The following ZNF365 variants were observed in gnomAD, a reference collection of about 807,000 sequenced individuals.
ZNF365 encodes the protein zinc finger protein 365, also known as protein ZNF365.
In ZNF365, 22 loss-of-function variants were observed where a neutral mutation model predicts 35.0. The observed-to-expected ratio is 0.63, with a 90% CI of 0.45 to 0.90. The LOEUF is 0.90. Among genes scored for constraint, ZNF365 ranks in the 40% least tolerant of loss-of-function variants. ZNF365 has a pLI of 0.00. For synonymous variants in ZNF365, 188 were observed against 196.2 expected, an observed-to-expected ratio of 0.96 and a Z score of 0.35; for missense variants, 448 against 500.3, an observed-to-expected ratio of 0.90 and a Z score of 1.00.
intron 4 of ZNF365, among the ~76,000 whole-genome samples, chr10:62,474,883 C>G (rs1841102377): frequency 6.6e-6 from 1 of 152,160 alleles, no homozygotes; most frequent in African/African-American, 2.4e-5. Flanking sequence ...TTCTGACATG[C>G]TTAATTTCTC....
rs377703579 is a variant in ZNF365 at position 62,413,341 on chromosome 10, T to C, written c.924+24765T>C. Reference sequence around the variant, plus strand: ...AGCATTACGACAATGAAAATGTGCATTGTGAATCTTTTAGAGGAGAAAAAA... The same window carrying C: ...AGCATTACGACAATGAAAATGTGCACTGTGAATCTTTTAGAGGAGAAAAAA... On this transcript the variant is annotated intron_variant, in intron 3 of 4. Transcript: ENST00000395255. Among the ~76,000 whole-genome samples, 40 of 152,274 alleles carry C rather than the reference T, an allele frequency of 2.6e-4. 1 individual carries two copies. The South Asian group carries it at 8.1e-3, about 31-fold the overall frequency.
At chr10:62,478,157 C>G (rs1177013684) in intron 4 of ZNF365, among the ~76,000 whole-genome samples, 1 of 152,172 alleles carries the variant, frequency 6.6e-6, no homozygotes, top group Non-Finnish European at 1.5e-5. Flanking sequence ...TACAGCTTTT[C>G]TTGATCCAAA....
chr10:62,410,730 T>C (rs1315823859), intron 3 of ZNF365, among the ~76,000 whole-genome samples: 1 of 152,156 alleles, frequency 6.6e-6, no homozygotes, highest in African/African-American at 2.4e-5. Context: ...TATTCCATGG[T>C]ATATATGTAC....
At chr10:62,465,420 G>GGGA (rs934072978) in intron 4 of ZNF365, among the ~76,000 whole-genome samples, 5 of 152,152 alleles carry the variant, frequency 3.3e-5, no homozygotes, top group African/African-American at 1.2e-4. Context: ...GTTCCTAGGT[G>GGGA]GGAAGGGGTG....
chr10:62,467,993 A>G (rs114437245), intron 4 of ZNF365, among the ~76,000 whole-genome samples: 383 of 152,306 alleles, frequency 2.5e-3, no homozygotes, highest in African/African-American at 9.0e-3. Context: ...TTTGCTAAAT[A>G]GTGATATTTT....
At chr10:62,428,114 T>A (rs146402171) in intron 3 of ZNF365, among the ~76,000 whole-genome samples, 1 of 152,302 alleles carries the variant, frequency 6.6e-6, no homozygotes, top group East Asian at 1.9e-4. Flanking sequence ...TCCCTGCGTG[T>A]CAGGACACAA....
intron 3 of ZNF365, among the ~76,000 whole-genome samples, chr10:62,422,865 C>G (rs1019241873): frequency 1.3e-5 from 2 of 152,080 alleles, no homozygotes; most frequent in Non-Finnish European, 2.9e-5. Context: ...GAAGACGAAA[C>G]TAAGTTGTGT....
At chr10:62,386,148 T>G (rs1040739047) in intron 2 of ZNF365, among the ~76,000 whole-genome samples, 1 of 152,148 alleles carries the variant, frequency 6.6e-6, no homozygotes, top group Non-Finnish European at 1.5e-5. Context: ...ATGAAAGGGC[T>G]GGGGATGCAT....
At chr10:62,408,673 C>T (rs914914122) in intron 3 of ZNF365, among the ~76,000 whole-genome samples, 3 of 152,084 alleles carry the variant, frequency 2.0e-5, no homozygotes, top group Admixed American at 2.0e-4. Context: ...ATACTAACAG[C>T]ATCTGTTGGG....
At chr10:62,404,777 T>C (rs960592767), downstream of ZNF365, among the ~76,000 whole-genome samples, 1 of 152,248 alleles carries the variant, frequency 6.6e-6, no homozygotes, top group Non-Finnish European at 1.5e-5. Flanking sequence ...TATTGTTTTA[T>C]ATATGTATTG....
At chr10:62,407,461 C>T (rs902808534) in intron 3 of ZNF365, among the ~76,000 whole-genome samples, 8 of 152,286 alleles carry the variant, frequency 5.3e-5, no homozygotes, top group African/African-American at 9.6e-5. Flanking sequence ...CTAAAGAATG[C>T]GGTTCCCACA....
chr10:62,447,287 A>T (rs1457978088), intron 3 of ZNF365, among the ~76,000 whole-genome samples: 2 of 152,190 alleles, frequency 1.3e-5, no homozygotes, highest in African/African-American at 4.8e-5. Flanking sequence ...AACCTAATCT[A>T]CTAAACTAAA....
intron 2 of ZNF365, among the ~76,000 whole-genome samples, chr10:62,387,034 A>G (rs1230204152): frequency 6.6e-6 from 1 of 152,230 alleles, no homozygotes; most frequent in African/African-American, 2.4e-5. Flanking sequence ...GAGATTTTGG[A>G]GACATGTAAA....
chr10:62,433,064 C>T (rs1360876716), intron 3 of ZNF365, among the ~76,000 whole-genome samples: 1 of 152,048 alleles, frequency 6.6e-6, no homozygotes, highest in Non-Finnish European at 1.5e-5. Flanking sequence ...GAAATCAAAC[C>T]AAAAGGAACT....
intron 3 of ZNF365, among the ~76,000 whole-genome samples, chr10:62,458,497 C>CACACACAT (rs59462069): frequency 3.5e-4 from 49 of 141,332 alleles, no homozygotes; most frequent in Non-Finnish European, 6.4e-4. Flanking sequence ...CACACACACA[C>CACACACAT]ATATATATAT....
At chr10:62,437,401 A>G (rs1416706371) in intron 3 of ZNF365, among the ~76,000 whole-genome samples, 1 of 152,234 alleles carries the variant, frequency 6.6e-6, no homozygotes, top group East Asian at 1.9e-4. Flanking sequence ...AATTCTACGC[A>G]CGTCATAGAG....
At chr10:62,441,554 A>G (rs893179206) in intron 3 of ZNF365, among the ~76,000 whole-genome samples, 3 of 152,038 alleles carry the variant, frequency 2.0e-5, no homozygotes, top group African/African-American at 4.8e-5. Context: ...CTGCTTCTAG[A>G]GTCTCTGGGT....
chr10:62,426,471 T>G (rs991039758), intron 3 of ZNF365, among the ~76,000 whole-genome samples: 3 of 152,108 alleles, frequency 2.0e-5, no homozygotes, highest in African/African-American at 7.2e-5. Context: ...TCCTTTGTAG[T>G]TGTTCTGTGT....
At chr10:62,431,035 A>G (rs993825510) in intron 3 of ZNF365, among the ~76,000 whole-genome samples, 2 of 152,214 alleles carry the variant, frequency 1.3e-5, no homozygotes, top group Non-Finnish European at 1.5e-5. Context: ...TAATGTGTTT[A>G]GCCAAAGGGG....
Sources: allele counts gnomAD v4.1 joint callset (sites outside exome capture counted in the v4.1 genomes callset), GRCh38; gene constraint gnomAD v4.1.1; transcripts MANE v1.5; gene names NCBI Gene and HGNC (gene_info 2026-07-23, HGNC 2026-07-21).